MGAT5: variants seen among roughly 807,000 people sequenced by gnomAD.
The protein encoded by MGAT5 is alpha-1,6-mannosylglycoprotein 6-beta-N-acetylglucosaminyltransferase.
MGAT5 carries 30 observed loss-of-function variants against 94.3 expected under a neutral mutation model. The ratio of observed to expected loss-of-function variants is 0.32; its 90% confidence interval spans 0.24 to 0.43. The LOEUF (loss-of-function observed/expected upper bound fraction) is 0.43, where lower values mean the gene tolerates loss of function less well. MGAT5 is among the 20% of genes least tolerant of loss of function. The pLI is 1.00. For synonymous variants in MGAT5, 310 were observed against 322.9 expected (o/e 0.96, Z 0.43); for missense variants, 691 against 905.5 (o/e 0.76, Z 3.04).
intron 14 of MGAT5, among the ~76,000 whole-genome samples, chr2:134,439,596 C>G (rs1685361177): frequency 6.6e-6 from 1 of 152,140 alleles, no homozygotes; most frequent in Admixed American, 6.5e-5. Flanking sequence ...ACTGAGGAAG[C>G]TGAGGCAGGA....
chr2:134,295,064 T>C (rs1381738539), intron 2 of MGAT5, among the ~76,000 whole-genome samples: 2 of 152,224 alleles, frequency 1.3e-5, no homozygotes, highest in Admixed American at 1.3e-4. Context: ...AAAGTAAAAA[T>C]GGCCTTGCTA....
chr2:134,178,649 C>T (rs187054159), intron 1 of MGAT5, among the ~76,000 whole-genome samples: 52 of 152,292 alleles, frequency 3.4e-4, no homozygotes, highest in Non-Finnish European at 6.0e-4. Flanking sequence ...ATGGCTGTGG[C>T]ACAAGGATTA....
At chr2:134,315,173 C>T (rs1686926032) in intron 2 of MGAT5, among the ~76,000 whole-genome samples, 1 of 152,150 alleles carries the variant, frequency 6.6e-6, no homozygotes, top group Non-Finnish European at 1.5e-5. Context: ...TTCACCCTGC[C>T]CTACCACACC....
chr2:134,390,708 T>C (rs367902694), intron 10 of MGAT5, among the ~76,000 whole-genome samples: 4 of 152,332 alleles, frequency 2.6e-5, no homozygotes, highest in South Asian at 4.1e-4. Context: ...TCACATGATA[T>C]GTATTCTGTC....
rs1217264120 is a variant in MGAT5 at position 134,341,587 on chromosome 2, C to T, written c.808-3C>T. 3.7e-6 allele frequency: 6 copies of T among 1,611,168 alleles called. No individual in the cohort carries two copies. The highest frequency in any genetic ancestry group is 5.1e-6 in the Non-Finnish European group (6 of 1,178,680). ...AATCAGTATATGCCTCTTTGTTTTCCAGGTCCTCGTTCACCTGGGACTCCT... is the reference window on the plus strand; with the variant it reads ...AATCAGTATATGCCTCTTTGTTTTCTAGGTCCTCGTTCACCTGGGACTCCT... On this transcript the variant is annotated splice_polypyrimidine_tract_variant and splice_region_variant and intron_variant, in intron 6 of 15. Coordinates refer to ENST00000281923, the MANE Select transcript of MGAT5 (RefSeq NM_002410.5).
At chr2:134,232,855 G>A (rs568597262) in intron 1 of MGAT5, among the ~76,000 whole-genome samples, 12 of 152,296 alleles carry the variant, frequency 7.9e-5, no homozygotes, top group African/African-American at 2.6e-4. Flanking sequence ...CTTCTTGTAT[G>A]TACATGTGTG....
chr2:134,418,890 G>C (rs1297433150), intron 12 of MGAT5, among the ~76,000 whole-genome samples: 1 of 152,190 alleles, frequency 6.6e-6, no homozygotes, highest in Non-Finnish European at 1.5e-5. Context: ...AGGGACCAGC[G>C]AGCTTGATCT....
At chr2:134,236,373 C>T (rs1057232343) in intron 1 of MGAT5, among the ~76,000 whole-genome samples, 14 of 152,142 alleles carry the variant, frequency 9.2e-5, no homozygotes, top group Admixed American at 4.6e-4. Context: ...CTCTGCAGCC[C>T]AAAAGAGTCT....
At chr2:134,183,608 C>T (rs1688856841) in intron 1 of MGAT5, among the ~76,000 whole-genome samples, 1 of 152,140 alleles carries the variant, frequency 6.6e-6, no homozygotes, top group Admixed American at 6.5e-5. Context: ...GAAGTTTGGG[C>T]CAGGAGGAGC....
chr2:134,317,732 C>G (rs1687080538), intron 3 of MGAT5, 127 bp downstream of exon 3: 1 of 549,306 alleles, frequency 1.8e-6, no homozygotes, highest in Admixed American at 4.3e-5. Flanking sequence ...TATGGGGTGC[C>G]TCCATCCTGC....
At chr2:134,345,114 C>G in intron 8 of MGAT5, 50 bp downstream of exon 8, 1 of 1,578,950 alleles carries the variant, frequency 6.3e-7, no homozygotes, top group Non-Finnish European at 8.7e-7. Context: ...CCCTCCTTAA[C>G]AAAGGTTGCA....
At chr2:134,290,232 T>C (rs916090208) in intron 2 of MGAT5, among the ~76,000 whole-genome samples, 43 of 152,366 alleles carry the variant, frequency 2.8e-4, no homozygotes, top group Admixed American at 2.5e-3. Flanking sequence ...AACTTGATCT[T>C]GGCCACTTGT....
chr2:134,330,446 C>T (rs1252997087), intron 4 of MGAT5, among the ~76,000 whole-genome samples: 1 of 152,084 alleles, frequency 6.6e-6, no homozygotes, highest in African/African-American at 2.4e-5. Context: ...AGCCCTGCCA[C>T]TCACTAGAGA....
intron 9 of MGAT5, among the ~76,000 whole-genome samples, chr2:134,351,909 T>G (rs766091980): frequency 2.0e-5 from 3 of 152,120 alleles, no homozygotes; most frequent in African/African-American, 4.8e-5. Context: ...ATTAACAGTT[T>G]AGAGGAAAGA....
At chr2:134,201,553 C>T (rs1371715022) in intron 1 of MGAT5, among the ~76,000 whole-genome samples, 2 of 152,094 alleles carry the variant, frequency 1.3e-5, no homozygotes, top group African/African-American at 4.8e-5. Context: ...TCCACAGCAC[C>T]GGGTCAGCTT....
intron 7 of MGAT5, 24 bp from the exon 8 acceptor site, chr2:134,344,906 C>A: frequency 6.2e-7 from 1 of 1,602,700 alleles, no homozygotes; most frequent in Non-Finnish European, 8.5e-7. Context: ...CTTTTTTCTC[C>A]CCTCTCTTTT....
rs58666142 is a variant in MGAT5, at chr2:134,450,783, AGTGTGTGTGT to A, written c.*1975_*1984del. On this transcript the variant is annotated 3_prime_UTR_variant, in exon 16 of 16. Transcript: ENST00000281923. ...AGTCCAAAGGAAACCTTGGTGAGTGAGTGTGTGTGTGTGTGTGTGTGTGTGTGTGTGTGTG... is the reference window on the plus strand; with the variant it reads ...AGTCCAAAGGAAACCTTGGTGAGTGAGTGTGTGTGTGTGTGTGTGTGTGTG... 0.011 allele frequency: 1,554 copies of A among 137,360 alleles called. 10 individuals are homozygous for A. Among genetic ancestry groups the A allele is most frequent in the African/African-American group, 0.021 (794 of 38,162 alleles). 8.5% of individuals were successfully genotyped at this position (137,360 alleles called of 1,614,324 possible).
intron 9 of MGAT5, among the ~76,000 whole-genome samples, chr2:134,351,277 TC>T (rs1679365500): frequency 6.6e-6 from 1 of 152,186 alleles, no homozygotes; most frequent in Non-Finnish European, 1.5e-5. Flanking sequence ...GTGAGGATGC[TC>T]AGAGTTTGCC....
At chr2:134,309,613 G>A (rs1686531020) in intron 2 of MGAT5, among the ~76,000 whole-genome samples, 2 of 152,246 alleles carry the variant, frequency 1.3e-5, no homozygotes, top group Middle Eastern at 3.4e-3. Flanking sequence ...AACCCCAGCT[G>A]TGTTCTTCCT....
Sources: allele counts gnomAD v4.1 joint callset (sites outside exome capture counted in the v4.1 genomes callset), GRCh38; gene constraint gnomAD v4.1.1; transcripts MANE v1.5; gene names NCBI Gene and HGNC (gene_info 2026-07-23, HGNC 2026-07-21).